The following TENM4 variants were observed in gnomAD, a reference collection of about 807,000 sequenced individuals.
The protein encoded by TENM4 is teneurin transmembrane protein 4.
Under a neutral mutation model 243.3 loss-of-function variants are expected in TENM4, and 82 were observed. That is an observed-to-expected ratio of 0.34 (90% CI 0.28 to 0.40). TENM4 has a LOEUF of 0.40. Among genes scored for constraint, TENM4 ranks in the 10% least tolerant of loss-of-function variants. The probability of loss-of-function intolerance (pLI) is 1.00; values close to 1 mark genes in which losing one functional copy is unlikely to be tolerated. For synonymous variants in TENM4, 1,412 were observed against 1,456.3 expected, an observed-to-expected ratio of 0.97 and a Z score of 0.69; for missense variants, 3,138 against 3,673.3, an observed-to-expected ratio of 0.85 and a Z score of 3.77.
chr11:79,155,173 A>T (rs528895678), intron 3 of TENM4, among the ~76,000 whole-genome samples: 7 of 152,180 alleles, frequency 4.6e-5, no homozygotes, highest in African/African-American at 1.7e-4. Context: ...GGCAAACCCT[A>T]GCGGGACCCA....
At chr11:78,809,460 CTA>C (rs994272419) in intron 14 of TENM4, among the ~76,000 whole-genome samples, 43 of 152,162 alleles carry the variant, frequency 2.8e-4, no homozygotes, top group African/African-American at 1.0e-3. Context: ...GGGCCAGTAT[CTA>C]TGCCACAATG....
At chr11:79,382,147 A>T (rs1208590480) in intron 1 of TENM4, among the ~76,000 whole-genome samples, 3 of 152,224 alleles carry the variant, frequency 2.0e-5, no homozygotes, top group Admixed American at 6.5e-5. Flanking sequence ...GCCCAAGGAC[A>T]CACAGCTCAT....
intron 14 of TENM4, among the ~76,000 whole-genome samples, chr11:78,810,382 C>T (rs1857472842): frequency 1.3e-5 from 2 of 152,214 alleles, no homozygotes; most frequent in Non-Finnish European, 2.9e-5. Flanking sequence ...GATGCCAGCT[C>T]ATCTGGGGAA....
chr11:79,307,276 C>G (rs566890431), intron 1 of TENM4, among the ~76,000 whole-genome samples: 2 of 152,230 alleles, frequency 1.3e-5, no homozygotes, highest in South Asian at 4.2e-4. Context: ...TCACCTCAAA[C>G]TCAGAGCGCC....
intron 11 of TENM4, among the ~76,000 whole-genome samples, 155 bp downstream of exon 11, chr11:78,855,809 A>T (rs1450807997): frequency 6.6e-6 from 1 of 152,228 alleles, no homozygotes; most frequent in Non-Finnish European, 1.5e-5. Context: ...CTCATCTGAA[A>T]GGGTGGGTCT....
chr11:79,425,540 G>A lies in TENM4; in HGVS notation c.-321+14969C>T, dbSNP rs548463238. On this transcript the variant is annotated intron_variant, in intron 1 of 33. Coordinates refer to ENST00000278550, the MANE Select transcript of TENM4 (RefSeq NM_001098816.3). ...CTAGAAAAGTGAAGTAGAAGAACAC[G>A]GACTTGGAGCCAGACTGATCCAAAT... Among the ~76,000 whole-genome samples the A allele has an allele frequency of 9.2e-5, 14 of 152,308 alleles. No individual in the cohort carries two copies. The South Asian group carries it at 1.5e-3, about 16-fold the overall frequency.
At chr11:79,354,699 T>G (rs1454422215) in intron 1 of TENM4, among the ~76,000 whole-genome samples, 3 of 152,102 alleles carry the variant, frequency 2.0e-5, no homozygotes, top group Non-Finnish European at 4.4e-5. Flanking sequence ...ACAAAGACCC[T>G]CAATCCATCC....
chr11:78,749,177 C>T (rs541051396), intron 19 of TENM4: 8 of 152,240 alleles, frequency 5.3e-5, no homozygotes, highest in South Asian at 4.1e-4. Context: ...TGTGAGAAGT[C>T]GTTGCCTGCA....
chr11:79,138,261 C>A (rs576715786), intron 4 of TENM4, among the ~76,000 whole-genome samples: 2 of 141,386 alleles, frequency 1.4e-5, no homozygotes, highest in African/African-American at 2.7e-5. Flanking sequence ...TGCAGATGGC[C>A]TATTGTGGGA....
Position 79,430,475 on chromosome 11 carries a change from C to G in TENM4, c.-321+10034G>C, listed in dbSNP as rs1859144624. Among the ~76,000 whole-genome samples, 4 of 152,336 alleles carry G rather than the reference C, an allele frequency of 2.6e-5. No homozygotes were observed. In the South Asian group the frequency reaches 8.3e-4, roughly 32 times the overall value. On this transcript the variant is annotated intron_variant, in intron 1 of 33. Transcript: ENST00000278550. ...GGTCATGTTGAGTAACCACCTGATG[C>G]CTACTCTCCCTCTTCTGGAGAGTGA...
intron 1 of TENM4, among the ~76,000 whole-genome samples, chr11:79,378,507 G>A (rs1226634121): frequency 6.6e-6 from 1 of 152,196 alleles, no homozygotes; most frequent in South Asian, 2.1e-4. Context: ...GGTCCAGACT[G>A]TCACCTGGGG....
intron 6 of TENM4, among the ~76,000 whole-genome samples, chr11:78,934,495 T>A (rs1275820911): frequency 2.6e-5 from 4 of 152,190 alleles, no homozygotes. Context: ...CTTTCACGGG[T>A]TAGACTGGCG....
rs75124986 is a variant in TENM4, at chr11:78,743,492, C to T, written c.2757-4922G>A. ...ATGCAATGAATAAAGAGCTTATGTG[C>T]TTCTGTAACTTAAGGTGAGGGCGAT... On this transcript the variant is annotated intron_variant, in intron 19 of 33. Transcript: ENST00000278550. 7.0e-3 allele frequency among the ~76,000 whole-genome samples: 1,059 copies of T among 152,252 alleles called. 7 individuals are homozygous for T. Among genetic ancestry groups the T allele is most frequent in the African/African-American group, 0.024 (999 of 41,548 alleles).
At chr11:78,911,930 C>T (rs1460196025) in intron 6 of TENM4, among the ~76,000 whole-genome samples, 1 of 152,196 alleles carries the variant, frequency 6.6e-6, no homozygotes, top group Non-Finnish European at 1.5e-5. Context: ...AGGCAGTAGC[C>T]ACATCCCTCC....
intron 3 of TENM4, among the ~76,000 whole-genome samples, chr11:79,172,667 T>TG (rs1491219829): frequency 5.1e-5 from 1 of 19,798 alleles, no homozygotes; most frequent in Non-Finnish European, 2.0e-4. Context: ...TTTCTGTTCC[T>TG]TTTTTTTTTT....
intron 9 of TENM4, among the ~76,000 whole-genome samples, chr11:78,871,265 T>G (rs1859119864): frequency 6.6e-6 from 1 of 152,164 alleles, no homozygotes. Context: ...TTGAGAGTTG[T>G]GGAGATTAAA....
In TENM4 at chr11:78,697,893, G is replaced by A. The variant is rs544957454; in HGVS notation, c.5087+3633C>T. ...GCCACCAAATGCCATCTGACCAGGA[G>A]CTAAGTCTGAGAGTAACGATGCCAC... On this transcript the variant is annotated intron_variant, in intron 28 of 33. Transcript: ENST00000278550. 2.4e-3 allele frequency among the ~76,000 whole-genome samples: 365 copies of A among 152,270 alleles called. 6 individuals are homozygous for A. The highest frequency in any genetic ancestry group is 4.6e-4 in the Non-Finnish European group (31 of 68,032).
intron 4 of TENM4, among the ~76,000 whole-genome samples, chr11:79,109,607 A>G (rs1264371773): frequency 6.6e-6 from 1 of 152,236 alleles, no homozygotes; most frequent in Non-Finnish European, 1.5e-5. Flanking sequence ...GGCAAGCTGG[A>G]GAACCCCTCT....
intron 2 of TENM4, among the ~76,000 whole-genome samples, chr11:79,284,847 T>C (rs986147961): frequency 6.6e-6 from 1 of 151,954 alleles, no homozygotes; most frequent in Admixed American, 6.6e-5. Context: ...AACTCAACAA[T>C]AAACAACATA....
Sources: gnomAD v4.1 joint callset for allele counts (sites outside exome capture counted in the v4.1 genomes callset) on GRCh38, gnomAD v4.1.1 for gene constraint, MANE v1.5 for transcripts, NCBI Gene and HGNC (gene_info 2026-07-23, HGNC 2026-07-21) for gene names.